FER: variants seen among roughly 807,000 people sequenced by gnomAD.
FER encodes tyrosine-protein kinase Fer.
In FER, 63 loss-of-function variants were observed where a neutral mutation model predicts 111.0. That is an observed-to-expected ratio of 0.57 (90% confidence interval 0.46 to 0.70). The LOEUF (loss-of-function observed/expected upper bound fraction) is 0.70. Among genes scored for constraint, FER ranks in the 30% least tolerant of loss-of-function variants. The probability of loss-of-function intolerance (pLI) is 0.00; values close to 1 mark genes in which losing one functional copy is unlikely to be tolerated. For missense variants in FER, 914 were observed against 954.0 expected (o/e 0.96, Z 0.55); for synonymous variants, 327 against 313.9 (o/e 1.04, Z -0.44).
chr5:109,061,636 A>C (rs2149966691), intron 16 of FER, among the ~76,000 whole-genome samples: 1 of 152,308 alleles, frequency 6.6e-6, no homozygotes, highest in South Asian at 2.1e-4. Flanking sequence ...GAAAACATGA[A>C]TCCCTATTTC....
chr5:109,143,341 A>G (rs1483300385), intron 17 of FER, among the ~76,000 whole-genome samples: 1 of 152,172 alleles, frequency 6.6e-6, no homozygotes, highest in Non-Finnish European at 1.5e-5. Context: ...AACCTAAAAG[A>G]TAGATTGTCT....
chr5:108,884,217 G>T (rs566806444), intron 9 of FER, among the ~76,000 whole-genome samples: 1 of 151,958 alleles, frequency 6.6e-6, no homozygotes, highest in Admixed American at 6.6e-5. Flanking sequence ...CATATTCTTT[G>T]ATTTATCAAG....
chr5:108,973,636 A>G (rs1010559356), intron 13 of FER, among the ~76,000 whole-genome samples: 3 of 152,108 alleles, frequency 2.0e-5, no homozygotes, highest in Non-Finnish European at 4.4e-5. Flanking sequence ...AATTAATGAG[A>G]AATAGAATCA....
chr5:108,968,649 C>T (rs1373031479), intron 13 of FER, among the ~76,000 whole-genome samples: 1 of 151,368 alleles, frequency 6.6e-6, no homozygotes, highest in Non-Finnish European at 1.5e-5. Context: ...ACAATCAAAT[C>T]AAAGGAATAT....
chr5:109,078,264 T>C (rs915980211), intron 16 of FER, among the ~76,000 whole-genome samples: 4 of 152,188 alleles, frequency 2.6e-5, no homozygotes, highest in Admixed American at 2.6e-4. Flanking sequence ...CTACAAACTG[T>C]CACACCAGTG....
At chr5:108,939,213 A>T (rs1403088919) in intron 10 of FER, among the ~76,000 whole-genome samples, 1 of 149,126 alleles carries the variant, frequency 6.7e-6, no homozygotes, top group Non-Finnish European at 1.5e-5. Context: ...TAAAGAATTT[A>T]ATCTACATTA....
At chr5:108,844,994 GTGTATATATA>G (rs1328789920) in intron 5 of FER, among the ~76,000 whole-genome samples, 5 of 42,646 alleles carry the variant, frequency 1.2e-4, no homozygotes, top group African/African-American at 3.0e-4. Context: ...GTGTGTGTGT[GTGTATATATA>G]TATATATATA....
At chr5:108,845,085 CA>C in intron 5 of FER, among the ~76,000 whole-genome samples, 1 of 123,714 alleles carries the variant, frequency 8.1e-6, no homozygotes, top group African/African-American at 2.8e-5. Flanking sequence ...CACACACACA[CA>C]CACACACACA....
intron 17 of FER, among the ~76,000 whole-genome samples, chr5:109,135,132 G>C (rs541697344): frequency 6.6e-6 from 1 of 152,182 alleles, no homozygotes; most frequent in Non-Finnish European, 1.5e-5. Context: ...GTTGATACCT[G>C]TGGAACACAA....
rs1242964609 is a variant in FER at position 108,748,000 on chromosome 5, G to A, written c.-206G>A. 6.6e-6 allele frequency: 1 copy of A among 152,192 alleles called. No individual in the cohort carries two copies. Among genetic ancestry groups the A allele is most frequent in the Non-Finnish European group, 1.5e-5 (1 of 68,034 alleles). 9.4% of individuals were successfully genotyped at this position (152,192 alleles called of 1,614,324 possible). On this transcript the variant is annotated splice_region_variant and 5_prime_UTR_variant, in exon 1 of 20. Coordinates refer to ENST00000281092, the MANE Select transcript of FER (RefSeq NM_005246.4). The stretch of plus-strand genomic sequence containing the variant: ...TCCACGCATTCTAGACTCCCGAAGA[G>A]GTAAGAATTTATTATAGGGGGCCAC...
intron 16 of FER, among the ~76,000 whole-genome samples, chr5:109,053,607 T>C (rs1285139292): frequency 1.3e-5 from 2 of 152,006 alleles, no homozygotes; most frequent in Admixed American, 1.3e-4. Flanking sequence ...CACTTTTTTT[T>C]CCACTAAGTA....
At chr5:109,143,469 G>C (rs1380304531) in intron 17 of FER, among the ~76,000 whole-genome samples, 1 of 151,998 alleles carries the variant, frequency 6.6e-6, no homozygotes, top group African/African-American at 2.4e-5. Flanking sequence ...TTTCATGTCA[G>C]ACCTTTCTAT....
intron 2 of FER, chr5:108,784,974 T>G (rs1277763839): frequency 4.2e-6 from 1 of 236,740 alleles, no homozygotes; most frequent in African/African-American, 2.2e-5. Flanking sequence ...TTGGGGCCAG[T>G]TTATGGCCAG....
intron 2 of FER, among the ~76,000 whole-genome samples, chr5:108,772,343 T>C (rs1245903162): frequency 2.0e-5 from 3 of 151,430 alleles, no homozygotes; most frequent in Non-Finnish European, 2.9e-5. Context: ...CACATATATA[T>C]GTATATATTT....
chr5:108,971,272 C>CAAAAAA (rs201694196), intron 13 of FER, among the ~76,000 whole-genome samples: 6 of 76,360 alleles, frequency 7.9e-5, no homozygotes, highest in Admixed American at 1.7e-4. Flanking sequence ...GAACCTGTCT[C>CAAAAAA]AAAAAAAAAA....
intron 10 of FER, among the ~76,000 whole-genome samples, chr5:108,908,015 T>C (rs577169337): frequency 6.6e-6 from 1 of 152,310 alleles, no homozygotes; most frequent in African/African-American, 2.4e-5. Flanking sequence ...TAGTAAAACA[T>C]TTTAGTTTAT....
rs1748093580 is a variant in FER at position 109,100,501 on chromosome 5, G to A, written c.2030G>A (p.Ser677Asn). 1 of 1,610,616 alleles carries A rather than the reference G, an allele frequency of 6.2e-7. No individual in the cohort carries two copies. The highest frequency in any genetic ancestry group is 8.5e-7 in the Non-Finnish European group (1 of 1,177,598). ...GCTGCTGGTATGTTGTATCTCGAGA[G>A]TAAAAACTGTATACACAGGTAAGGA... ...DAAAGMLYLE[S>N]KNCIHRDLAA... Residue 677 changes from serine (S) to asparagine (N), a missense_variant, in exon 17 of 20, where the codon AGT becomes AAT. Coordinates refer to ENST00000281092, the MANE Select transcript of FER (RefSeq NM_005246.4).
intron 13 of FER, among the ~76,000 whole-genome samples, chr5:108,998,158 G>A (rs1338672963): frequency 6.7e-6 from 1 of 148,772 alleles, no homozygotes; most frequent in Non-Finnish European, 1.5e-5. Context: ...CTGTCTTGCT[G>A]GCGTTCCAGG....
At chr5:108,988,508 C>A (rs146305391) in intron 13 of FER, among the ~76,000 whole-genome samples, 1 of 152,102 alleles carries the variant, frequency 6.6e-6, no homozygotes, top group African/African-American at 2.4e-5. Context: ...TTGGTTTAAT[C>A]TAGGAGGGTC....
Sources: gnomAD v4.1 joint callset for allele counts (sites outside exome capture counted in the v4.1 genomes callset) on GRCh38, gnomAD v4.1.1 for gene constraint, MANE v1.5 for transcripts, NCBI Gene and HGNC (gene_info 2026-07-23, HGNC 2026-07-21) for gene names.